Variants in WNK1 observed in about 807,000 individuals in gnomAD.
WNK1 encodes serine/threonine-protein kinase WNK1.
Under a neutral mutation model 222.8 loss-of-function variants are expected in WNK1, and 38 were observed. The ratio of observed to expected loss-of-function variants is 0.17; its 90% CI spans 0.13 to 0.22. The LOEUF is 0.22. Ranked by LOEUF, WNK1 falls within the 10% of genes least tolerant of loss-of-function variation. The pLI, the probability that WNK1 is intolerant of heterozygous loss-of-function variation, is 1.00. For synonymous variants in WNK1, 1,090 were observed against 1,092.9 expected, an observed-to-expected ratio of 1.00 and a Z score of 0.05; for missense variants, 2,348 against 2,918.4, an observed-to-expected ratio of 0.80 and a Z score of 4.50.
At chr12:865,038 TATC>T in intron 8 of WNK1, 5 of 1,433,918 alleles carry the variant, frequency 3.5e-6, no homozygotes, top group Admixed American at 2.7e-5. Context: ...TATGCCCTGT[TATC>T]ATTGTACTTT....
At chr12:893,388 T>C (rs527399035) in intron 22 of WNK1, among the ~76,000 whole-genome samples, 127 of 152,212 alleles carry the variant, frequency 8.3e-4, no homozygotes, top group Non-Finnish European at 1.6e-3. Context: ...GAGGCATTGA[T>C]ATGGAATGAT....
intron 26 of WNK1, chr12:906,265 A>G (rs1008554678): frequency 3.8e-5 from 37 of 967,028 alleles, no homozygotes; most frequent in Non-Finnish European, 4.4e-5. Context: ...AGACAAGACC[A>G]TGACTCTTCT....
intron 9 of WNK1, among the ~76,000 whole-genome samples, chr12:875,532 T>C (rs893016099): frequency 2.0e-5 from 3 of 152,356 alleles, no homozygotes; most frequent in Admixed American, 2.0e-4. Flanking sequence ...ATGACTTCAC[T>C]ATTCTGAGGA....
In WNK1 at chr12:887,172, CTTTATA is replaced by C. The variant is rs763273075; in HGVS notation, c.5281-44_5281-39del. On this transcript the variant is annotated intron_variant, in intron 19 of 27. Coordinates refer to ENST00000315939, the MANE Select transcript of WNK1 (RefSeq NM_018979.4). ...GTTGATTTGCTCTTCAGTACGCAGT[CTTTATA>C]TTTAGCGTCTCACGGACTTGATTTT... The C allele has an allele frequency of 4.6e-6, 7 of 1,535,140 alleles. No individual in the cohort carries two copies. The African/African-American group carries it at 9.5e-5, about 21-fold the overall frequency.
intron 4 of WNK1, chr12:851,524 G>A: frequency 8.5e-7 from 1 of 1,170,202 alleles, no homozygotes; most frequent in South Asian, 1.7e-5. Context: ...TGTTGGCTGA[G>A]TAGAGCAAAT....
chr12:805,862 A>G (rs1468740296), intron 1 of WNK1, among the ~76,000 whole-genome samples: 1 of 152,188 alleles, frequency 6.6e-6, no homozygotes, highest in East Asian at 1.9e-4. Flanking sequence ...ATATACATAT[A>G]TTTATTTTTA....
At chr12:844,243 C>T (rs1239320203) in intron 4 of WNK1, among the ~76,000 whole-genome samples, 1 of 151,818 alleles carries the variant, frequency 6.6e-6, no homozygotes, top group Non-Finnish European at 1.5e-5. Flanking sequence ...GTGATTCTCC[C>T]GCTTCAACCT....
Position 910,097 on chromosome 12 carries a change from G to GT in WNK1, c.*1306dup, listed in dbSNP as rs1024474459. The stretch of plus-strand genomic sequence containing the variant: ...TTATTTGAGCTAGGCTTGAACAGAC[G>GT]TGACCTAGAAGAAACTGAACATAAA... On this transcript the variant is annotated 3_prime_UTR_variant, in exon 28 of 28. Transcript: ENST00000315939. 6.6e-6 allele frequency: 1 copy of GT among 151,648 alleles called. No individual in the cohort carries two copies. The highest frequency in any genetic ancestry group is 1.5e-5 in the Non-Finnish European group (1 of 67,938). The allele number at this position is 151,648 out of a possible 1,614,324, so 9.4% of individuals were successfully genotyped here.
At chr12:865,138 G>C (rs1341362307) in intron 8 of WNK1, 1 of 1,518,256 alleles carries the variant, frequency 6.6e-7, no homozygotes, top group Non-Finnish European at 8.8e-7. Context: ...ATGTCGGTTT[G>C]TGTTCCCATC....
At position 896,390 on chromosome 12, in the gene WNK1, C is replaced by T; in HGVS notation, c.5903C>T (p.Thr1968Ile). The change falls in exon 24 of 28, where the codon ACT becomes ATT. Residue 1968 changes from threonine to isoleucine, a missense_variant. Physicochemically the swap from Thr to Ile is moderately conservative, Grantham distance 89. Coordinates refer to ENST00000315939, the MANE Select transcript of WNK1 (RefSeq NM_018979.4). ...GTATCAAAAACTGAGGACAAGATCA[C>T]TGACACAAAGAAAGAAGGACCAGTG... is the stretch of plus-strand genomic sequence containing the variant. ...FSVSKTEDKI[T>I]DTKKEGPVAS... is the part of the protein sequence containing the mutation. 6.2e-7 allele frequency: 1 copy of T among 1,614,170 alleles called. No individual in the cohort carries two copies. Among genetic ancestry groups the T allele is most frequent in the Admixed American group, 1.7e-5 (1 of 60,026 alleles).
intron 25 of WNK1, among the ~76,000 whole-genome samples, chr12:898,808 C>T (rs758486174): frequency 1.3e-4 from 19 of 151,986 alleles, no homozygotes; most frequent in Non-Finnish European, 2.6e-4. Context: ...GGCACGATCT[C>T]GGCTCACTGC....
intron 1 of WNK1, among the ~76,000 whole-genome samples, chr12:791,599 T>A (rs1489986629): frequency 6.6e-6 from 1 of 152,096 alleles, no homozygotes; most frequent in Non-Finnish European, 1.5e-5. Context: ...ACATTTTATA[T>A]CTAGCCTGCC....
At chr12:779,556 C>T (rs1196976850) in intron 1 of WNK1, among the ~76,000 whole-genome samples, 2 of 151,950 alleles carry the variant, frequency 1.3e-5, no homozygotes, top group African/African-American at 2.4e-5. Flanking sequence ...AGGTGCGCGC[C>T]GCACCTGGCT....
At chr12:898,747 A>ATT (rs35468706) in intron 25 of WNK1, among the ~76,000 whole-genome samples, 5 of 148,696 alleles carry the variant, frequency 3.4e-5, no homozygotes, top group Admixed American at 6.7e-5. Context: ...CTAACTTTGA[A>ATT]TTTTTTTTTT....
intron 12 of WNK1, among the ~76,000 whole-genome samples, chr12:881,245 C>G (rs1003068777): frequency 1.3e-5 from 2 of 152,184 alleles, no homozygotes; most frequent in Admixed American, 6.5e-5. Context: ...CTTCACTTCT[C>G]TAGCTAGTAC....
At chr12:755,491 A>T (rs1939866301) in intron 1 of WNK1, among the ~76,000 whole-genome samples, 1 of 152,244 alleles carries the variant, frequency 6.6e-6, no homozygotes, top group African/African-American at 2.4e-5. Flanking sequence ...GTAAACTTAA[A>T]AACTAAGAAG....
At chr12:902,484 ATCAT>A (rs1481062324) in intron 26 of WNK1, among the ~76,000 whole-genome samples, 2 of 152,160 alleles carry the variant, frequency 1.3e-5, no homozygotes, top group Admixed American at 1.3e-4. Context: ...TCTTCATTGG[ATCAT>A]TCCACCACTA....
Position 879,620 on chromosome 12 carries a change from C to A in WNK1, c.2421C>A (p.Ile807=). 6.2e-7 allele frequency: 1 copy of A among 1,611,940 alleles called. No individual in the cohort carries two copies. ...PVPTIQGEPQ[I]PVATQPSVVP... ...CAACTATCCAAGGCGAACCTCAGAT[C>A]CCAGTTGCGACACAACCCTCGGTTG... Residue 807 remains isoleucine (I), a synonymous_variant, in exon 11 of 28, where the codon ATC becomes ATA. Coordinates refer to ENST00000315939, the MANE Select transcript of WNK1 (RefSeq NM_018979.4).
chr12:836,237 A>G lies in WNK1; in HGVS notation c.1311+6077A>G, dbSNP rs181007236. On this transcript the variant is annotated intron_variant, in intron 4 of 27. Coordinates refer to ENST00000315939, the MANE Select transcript of WNK1 (RefSeq NM_018979.4). ...AAGTAGATTTGTAGATCAACATGCT[A>G]TATGAGTGATACTGCTAAACAGTAA... Among the ~76,000 whole-genome samples, 460 of 152,324 alleles carry G rather than the reference A, an allele frequency of 3.0e-3. 4 individuals are homozygous for G. In the Middle Eastern group the frequency reaches 0.031, roughly 10 times the overall value.
Sources: gnomAD v4.1 joint callset for allele counts (sites outside exome capture counted in the v4.1 genomes callset) on GRCh38, gnomAD v4.1.1 for gene constraint, MANE v1.5 for transcripts, NCBI Gene and HGNC (gene_info 2026-07-23, HGNC 2026-07-21) for gene names.